STK39: variants seen among roughly 807,000 people sequenced by gnomAD.
STK39 encodes the protein STE20/SPS1-related proline-alanine-rich protein kinase.
Under a neutral mutation model 77.8 loss-of-function variants are expected in STK39, and 20 were observed. That is an observed-to-expected ratio of 0.26 (90% CI 0.18 to 0.37). STK39 has a LOEUF of 0.37. Ranked by LOEUF, STK39 falls within the 10% of genes least tolerant of loss-of-function variation. STK39 has a pLI of 1.00. For missense variants in STK39, 479 were observed against 656.5 expected, an observed-to-expected ratio of 0.73 and a Z score of 2.95; for synonymous variants, 246 against 234.1, an observed-to-expected ratio of 1.05 and a Z score of -0.47.
intron 8 of STK39, among the ~76,000 whole-genome samples, chr2:168,137,107 G>C (rs1304324128): frequency 6.6e-6 from 1 of 152,304 alleles, no homozygotes; most frequent in East Asian, 1.9e-4. Flanking sequence ...TACTCAAACT[G>C]TAAGTTACTG....
intron 5 of STK39, among the ~76,000 whole-genome samples, chr2:168,144,225 T>C (rs1447669949): frequency 6.6e-6 from 1 of 152,198 alleles, no homozygotes; most frequent in Middle Eastern, 3.2e-3. Context: ...GGCTAGACTA[T>C]TACCCAACTG....
intron 3 of STK39, among the ~76,000 whole-genome samples, chr2:168,164,753 C>T (rs949256878): frequency 3.3e-5 from 5 of 152,142 alleles, no homozygotes; most frequent in Admixed American, 2.0e-4. Flanking sequence ...CTAACACTTA[C>T]AATAAACAAA....
In STK39 at chr2:168,184,049, G is replaced by A. The variant is rs573907205; in HGVS notation, c.209-1959C>T. On this transcript the variant is annotated intron_variant, in intron 1 of 17. Transcript: ENST00000355999. ...TCTACCTGCAATAAATCTCCCCCCA[G>A]CTCAGCTTCTCCATCCTTAATCTAC... Among the ~76,000 whole-genome samples the A allele has an allele frequency of 1.7e-4, 26 of 152,220 alleles. No individual in the cohort carries two copies. In the East Asian group the frequency reaches 5.0e-3, roughly 29 times the overall value.
chr2:168,054,146 G>A (rs1410880701), intron 14 of STK39, among the ~76,000 whole-genome samples: 2 of 152,192 alleles, frequency 1.3e-5, no homozygotes, highest in Admixed American at 6.5e-5. Flanking sequence ...TATGTGAAAC[G>A]TTAATGGGAA....
At chr2:168,120,904 A>C (rs1299065488) in intron 10 of STK39, among the ~76,000 whole-genome samples, 1 of 152,032 alleles carries the variant, frequency 6.6e-6, no homozygotes, top group Non-Finnish European at 1.5e-5. Flanking sequence ...CCTTCCCTCT[A>C]CACTTGCTAG....
At chr2:167,996,121 T>C (rs140073069) in intron 16 of STK39, among the ~76,000 whole-genome samples, 191 of 152,264 alleles carry the variant, frequency 1.3e-3, no homozygotes, top group African/African-American at 4.4e-3. Context: ...GGGTAAAAGA[T>C]ACAGGCAGTT....
chr2:168,114,540 CCATGTGATTA>C (rs1447807132), intron 10 of STK39, among the ~76,000 whole-genome samples: 19 of 152,100 alleles, frequency 1.2e-4, no homozygotes. Context: ...CTCAGAGAAG[CCATGTGATTA>C]CATGAGGTTC....
At chr2:168,170,686 G>A (rs1025191415) in intron 2 of STK39, among the ~76,000 whole-genome samples, 1 of 152,184 alleles carries the variant, frequency 6.6e-6, no homozygotes, top group Non-Finnish European at 1.5e-5. Context: ...GTTGGGGGAT[G>A]TGAGAGGAGG....
At position 168,029,865 on chromosome 2, in the gene STK39, A is replaced by G. The variant is rs138585699; in HGVS notation, c.1377-12770T>C. 6.8e-4 allele frequency among the ~76,000 whole-genome samples: 103 copies of G among 152,286 alleles called. 1 individual carries two copies. In the East Asian group the frequency reaches 0.017, roughly 26 times the overall value. The stretch of plus-strand genomic sequence containing the variant: ...CTTGGAAAGCTGGTGGCTAACACCT[A>G]AGAGAGTGGGTTGCTGGATGTGGCA... On this transcript the variant is annotated intron_variant, in intron 14 of 17. Transcript: ENST00000355999.
Position 168,227,138 on chromosome 2 carries a change from G to A in STK39, c.208+20090C>T, listed in dbSNP as rs938788530. On this transcript the variant is annotated intron_variant, in intron 1 of 17. Coordinates refer to ENST00000355999, the MANE Select transcript of STK39 (RefSeq NM_013233.3). Reference sequence around the variant, plus strand: ...AAATTTACAGATTGCAGAACAATACGTATAGTTTCCACATTACATGTAAAA... The same window carrying A: ...AAATTTACAGATTGCAGAACAATACATATAGTTTCCACATTACATGTAAAA... Among the ~76,000 whole-genome samples, 130 of 152,184 alleles carry A rather than the reference G, an allele frequency of 8.5e-4. 1 individual carries two copies. Among genetic ancestry groups the A allele is most frequent in the African/African-American group, 2.9e-3 (121 of 41,514 alleles).
At chr2:168,219,286 CAAAA>C (rs113656169) in intron 1 of STK39, among the ~76,000 whole-genome samples, 1 of 134,074 alleles carries the variant, frequency 7.5e-6, no homozygotes, top group Admixed American at 7.6e-5. Flanking sequence ...ACTCTTGTTT[CAAAA>C]AAAAAAAAAA....
At chr2:168,096,954 T>C (rs1559095269) in intron 10 of STK39, among the ~76,000 whole-genome samples, 2 of 152,070 alleles carry the variant, frequency 1.3e-5, no homozygotes, top group African/African-American at 4.8e-5. Flanking sequence ...CAAAATACTA[T>C]AGGGGAGAGA....
At chr2:168,166,783 T>A (rs1336689786) in intron 3 of STK39, among the ~76,000 whole-genome samples, 2 of 152,134 alleles carry the variant, frequency 1.3e-5, no homozygotes, top group Non-Finnish European at 2.9e-5. Context: ...CTCAGAACAT[T>A]TCCATCATCA....
At chr2:168,052,378 G>A (rs1319259172) in intron 14 of STK39, among the ~76,000 whole-genome samples, 3 of 151,800 alleles carry the variant, frequency 2.0e-5, no homozygotes, top group Non-Finnish European at 4.4e-5. Context: ...TAAAATAGTA[G>A]GTACCTTAAA....
intron 10 of STK39, among the ~76,000 whole-genome samples, chr2:168,098,669 C>T (rs1187824627): frequency 2.0e-5 from 3 of 152,310 alleles, no homozygotes; most frequent in Admixed American, 6.5e-5. Context: ...TGCTACCAAA[C>T]TCTGGGGCTC....
chr2:167,998,108 G>T (rs1031901441), intron 16 of STK39, among the ~76,000 whole-genome samples: 4 of 148,180 alleles, frequency 2.7e-5, no homozygotes, highest in East Asian at 3.9e-4. Flanking sequence ...TAAAGGGAAG[G>T]TTAAAAAAAA....
chr2:168,074,967 A>G lies in STK39; in HGVS notation c.1242+15T>C. On this transcript the variant is annotated intron_variant, in intron 12 of 17. Transcript: ENST00000355999. ...AATGAAATGGCAAAATAATAAATAA[A>G]TAGCCACAGCTCACCTCTGGATTTT... 1.2e-6 allele frequency: 2 copies of G among 1,611,652 alleles called. No homozygotes were observed. The highest frequency in any genetic ancestry group is 1.7e-6 in the Non-Finnish European group (2 of 1,179,432).
chr2:167,994,973 T>C (rs1454422700), intron 16 of STK39, among the ~76,000 whole-genome samples: 1 of 152,000 alleles, frequency 6.6e-6, no homozygotes, highest in Non-Finnish European at 1.5e-5. Context: ...GTTGCAAAGA[T>C]GATGGGAGAG....
chr2:168,018,449 C>T (rs1684470487), intron 14 of STK39, among the ~76,000 whole-genome samples: 2 of 151,444 alleles, frequency 1.3e-5, no homozygotes, highest in African/African-American at 2.4e-5. Flanking sequence ...GCCAAAATCA[C>T]ACCACTGCAT....
Sources: gnomAD v4.1 joint callset for allele counts (sites outside exome capture counted in the v4.1 genomes callset) on GRCh38, gnomAD v4.1.1 for gene constraint, MANE v1.5 for transcripts, NCBI Gene and HGNC (gene_info 2026-07-23, HGNC 2026-07-21) for gene names.